Variants in DPP6 observed in about 807,000 individuals in gnomAD.
The protein encoded by DPP6 is A-type potassium channel modulatory protein DPP6.
Under a neutral mutation model 122.6 loss-of-function variants are expected in DPP6, and 69 were observed. The observed-to-expected ratio is 0.56, with a 90% CI of 0.46 to 0.69. DPP6 has a LOEUF of 0.69. Among genes scored for constraint, DPP6 ranks in the 30% least tolerant of loss-of-function variants. DPP6 has a pLI of 0.00. For missense variants in DPP6, 928 were observed against 1,116.9 expected, an observed-to-expected ratio of 0.83 and a Z score of 2.41; for synonymous variants, 418 against 433.1, an observed-to-expected ratio of 0.97 and a Z score of 0.43.
chr7:154,349,728 C>T (rs568021675), intron 1 of DPP6, among the ~76,000 whole-genome samples: 1 of 152,124 alleles, frequency 6.6e-6, no homozygotes, highest in East Asian at 1.9e-4. Flanking sequence ...AGTAAGTGTG[C>T]AGCACATCCA....
At chr7:154,717,475 A>G (rs1841554717) in intron 7 of DPP6, among the ~76,000 whole-genome samples, 1 of 152,148 alleles carries the variant, frequency 6.6e-6, no homozygotes, top group South Asian at 2.1e-4. Context: ...GATGCCACAT[A>G]TGAGTGAGAC....
chr7:154,480,781 C>T (rs1823200025), intron 3 of DPP6, among the ~76,000 whole-genome samples: 1 of 152,132 alleles, frequency 6.6e-6, no homozygotes, highest in African/African-American at 2.4e-5. Context: ...AGTCTCAGTC[C>T]TTGATTTCCC....
Position 154,581,758 on chromosome 7 carries a change from C to T in DPP6, c.627+14842C>T, listed in dbSNP as rs143494471. 4.6e-5 allele frequency among the ~76,000 whole-genome samples: 7 copies of T among 152,362 alleles called. No individual in the cohort carries two copies. In the South Asian group the frequency reaches 6.2e-4, roughly 14 times the overall value. The stretch of plus-strand genomic sequence containing the variant: ...TTCTGGCCTGAGACAGCAGAATAAT[C>T]GCTCCTGGAGTGGGAAGGTTGGCTT... On this transcript the variant is annotated intron_variant, in intron 5 of 25. Transcript: ENST00000377770.
At chr7:154,867,143 C>T (rs969595370) in intron 17 of DPP6, among the ~76,000 whole-genome samples, 1 of 152,114 alleles carries the variant, frequency 6.6e-6, no homozygotes, top group African/African-American at 2.4e-5. Context: ...AGAAAAATTC[C>T]CTTTCACAAT....
At chr7:154,785,782 G>T (rs897447618) in intron 10 of DPP6, among the ~76,000 whole-genome samples, 1 of 152,162 alleles carries the variant, frequency 6.6e-6, no homozygotes, top group Non-Finnish European at 1.5e-5. Context: ...TCATAACTAA[G>T]TGATTATCTT....
At chr7:154,287,490 C>A (rs2150959871) in intron 1 of DPP6, among the ~76,000 whole-genome samples, 1 of 152,320 alleles carries the variant, frequency 6.6e-6, no homozygotes, top group East Asian at 1.9e-4. Flanking sequence ...TGTTATGCTG[C>A]TGGACAGATC....
chr7:153,776,339 T>TTC, the DPP6 span, among the ~76,000 whole-genome samples: 2 of 152,130 alleles, frequency 1.3e-5, no homozygotes, highest in Non-Finnish European at 2.9e-5. Context: ...TTCCATGCTG[T>TTC]TCCCGTGATA....
intron 1 of DPP6, among the ~76,000 whole-genome samples, chr7:153,958,817 G>A (rs1303556412): frequency 6.6e-6 from 1 of 151,680 alleles, no homozygotes; most frequent in African/African-American, 2.4e-5. Context: ...GTAGAGAGAG[G>A]CCTTCTGTTC....
intron 1 of DPP6, among the ~76,000 whole-genome samples, chr7:154,081,568 G>A (rs1804013795): frequency 6.8e-6 from 1 of 148,076 alleles, no homozygotes; most frequent in East Asian, 2.0e-4. Context: ...GTGGCATGGA[G>A]TAGGCTGGGC....
At chr7:154,493,936 G>A (rs1046814715) in intron 3 of DPP6, among the ~76,000 whole-genome samples, 8 of 152,170 alleles carry the variant, frequency 5.3e-5, no homozygotes, top group Admixed American at 5.2e-4. Context: ...CTTCTCCTAG[G>A]AATTGTAGCA....
intron 8 of DPP6, among the ~76,000 whole-genome samples, chr7:154,744,588 G>T (rs1006693151): frequency 6.6e-6 from 1 of 152,236 alleles, no homozygotes; most frequent in Non-Finnish European, 1.5e-5. Context: ...CAAGGTAAAA[G>T]CTCCATTTGC....
the DPP6 span, among the ~76,000 whole-genome samples, chr7:153,877,298 A>G: frequency 0.041 from 6,306 of 152,154 alleles, 410 homozygotes; most frequent in African/African-American, 0.14. Flanking sequence ...ATTCTTATCT[A>G]TATGCTTTTA....
At chr7:154,394,302 A>G (rs2151171462) in intron 1 of DPP6, among the ~76,000 whole-genome samples, 2 of 152,266 alleles carry the variant, frequency 1.3e-5, no homozygotes, top group Middle Eastern at 6.8e-3. Flanking sequence ...ACTAAAGAGG[A>G]TCTCATTGTG....
Position 154,446,353 on chromosome 7 carries a change from C to T in DPP6, c.358+25C>T, listed in dbSNP as rs1413703927. 1.9e-6 allele frequency: 3 copies of T among 1,567,380 alleles called. No homozygotes were observed. The East Asian group carries it at 6.8e-5, about 36-fold the overall frequency. On this transcript the variant is annotated intron_variant, in intron 2 of 25. Coordinates refer to ENST00000377770, the MANE Select transcript of DPP6 (RefSeq NM_130797.4). ...GGTACTGTATTCATTCTTGGAAAAG[C>T]AAGTCGCTGTCAGAGAGAAAGAGCA... is the stretch of plus-strand genomic sequence containing the variant.
At chr7:154,499,125 A>G (rs942440712) in intron 3 of DPP6, among the ~76,000 whole-genome samples, 1 of 152,162 alleles carries the variant, frequency 6.6e-6, no homozygotes, top group Non-Finnish European at 1.5e-5. Context: ...TTATCTGGAC[A>G]TATTGAATCC....
intron 1 of DPP6, among the ~76,000 whole-genome samples, chr7:153,966,436 C>T (rs1395962976): frequency 6.7e-6 from 1 of 149,118 alleles, no homozygotes; most frequent in African/African-American, 2.5e-5. Flanking sequence ...TCATTCCCCT[C>T]GTCTTCCCTC....
intron 1 of DPP6, among the ~76,000 whole-genome samples, chr7:154,311,440 T>C (rs1397651544): frequency 1.3e-5 from 2 of 151,220 alleles, no homozygotes; most frequent in African/African-American, 2.4e-5. Context: ...AAGTTTGCAG[T>C]GAGCCGTGAT....
the DPP6 span, among the ~76,000 whole-genome samples, chr7:153,836,401 T>A: frequency 1.3e-5 from 2 of 152,330 alleles, no homozygotes; most frequent in African/African-American, 4.8e-5. Flanking sequence ...CTCTGATATT[T>A]AGACTTTAGT....
chr7:154,158,022 G>T (rs1796780372), intron 1 of DPP6, among the ~76,000 whole-genome samples: 1 of 147,990 alleles, frequency 6.8e-6, no homozygotes, highest in South Asian at 2.1e-4. Context: ...TAGATATTAT[G>T]CATTGCTTTC....
Sources: gnomAD v4.1 joint callset for allele counts (sites outside exome capture counted in the v4.1 genomes callset) on GRCh38, gnomAD v4.1.1 for gene constraint, MANE v1.5 for transcripts, NCBI Gene and HGNC (gene_info 2026-07-23, HGNC 2026-07-21) for gene names.